AMY2B: variants seen among roughly 807,000 people sequenced by gnomAD.
AMY2B encodes the protein amylase alpha 2B.
AMY2B carries 63 observed loss-of-function variants against 59.3 expected under a neutral mutation model. That is an observed-to-expected ratio of 1.06 (90% CI 0.87 to 1.31). The LOEUF (loss-of-function observed/expected upper bound fraction) is 1.31. Ranked by LOEUF, AMY2B falls within the 50% of genes most tolerant of loss-of-function variation. The pLI is 0.00. For missense variants in AMY2B, 635 were observed against 626.7 expected (o/e 1.01, Z -0.14); for synonymous variants, 180 against 198.1 (o/e 0.91, Z 0.77).
intron 1 of AMY2B, among the ~76,000 whole-genome samples, chr1:103,557,069 C>T (rs1177138718): frequency 6.6e-6 from 1 of 151,830 alleles, no homozygotes. Flanking sequence ...GCAAAATGTC[C>T]CACCCTATAT....
chr1:103,574,434 T>C (rs774829154), intron 5 of AMY2B, 41 bp downstream of exon 5: 4 of 1,608,562 alleles, frequency 2.5e-6, no homozygotes, highest in Admixed American at 1.7e-5. Flanking sequence ...TTTCATAGAT[T>C]TATTAGTCAT....
Position 103,573,049 on chromosome 1 carries a change from A to G in AMY2B, c.316-14A>G, listed in dbSNP as rs1553196349. 3 of 1,613,134 alleles carry G rather than the reference A, an allele frequency of 1.9e-6. No homozygotes were observed. Among genetic ancestry groups the G allele is most frequent in the Non-Finnish European group, 2.5e-6 (3 of 1,179,584 alleles). ...CTCTGTAAGTCACACTGAAGTAGAA[A>G]CTTTGCTTTCTAGGTTCGTATTTAT... is the stretch of plus-strand genomic sequence containing the variant. On this transcript the variant is annotated splice_polypyrimidine_tract_variant and intron_variant, in intron 2 of 9. Coordinates refer to ENST00000684275, the MANE Select transcript of AMY2B (RefSeq NM_001387437.1).
chr1:103,576,993 G>A (rs1437743655), intron 7 of AMY2B, among the ~76,000 whole-genome samples: 1 of 152,170 alleles, frequency 6.6e-6, no homozygotes, highest in African/African-American at 2.4e-5. Context: ...CCCAGCACTT[G>A]GCGAGTCCAG....
At chr1:103,566,756 G>A (rs960601946), upstream of AMY2B, among the ~76,000 whole-genome samples, 2 of 152,152 alleles carry the variant, frequency 1.3e-5, no homozygotes, top group African/African-American at 4.8e-5. Flanking sequence ...AATTTACCCA[G>A]TCTGTCTGGG....
chr1:103,577,824 T>C lies in AMY2B; in HGVS notation c.1325T>C (p.Ile442Thr), dbSNP rs1342401625. ...VAFGRGNRGF[I>T]VFNNDDWTFS... ...TTTGGGAGAGGAAACAGAGGATTCA[T>C]TGTTTTCAACAATGATGACTGGTAA... The change falls in exon 9 of 10, where the codon ATT becomes ACT. Residue 442 changes from isoleucine (I) to threonine (T), a missense_variant. By Grantham distance (89) the Ile-to-Thr change is moderately conservative. Transcript: ENST00000684275. The C allele has an allele frequency of 6.2e-6, 10 of 1,603,882 alleles. No individual in the cohort carries two copies. Among genetic ancestry groups the C allele is most frequent in the Non-Finnish European group, 7.6e-6 (9 of 1,179,722 alleles).
rs779295257 is a variant in AMY2B, at chr1:103,579,338, T to G, written c.1374T>G (p.Gly458=). Residue 458 remains glycine (G), a synonymous_variant, in exon 10 of 10, where the codon GGT becomes GGG. Coordinates refer to ENST00000684275, the MANE Select transcript of AMY2B (RefSeq NM_001387437.1). The stretch of plus-strand genomic sequence containing the variant: ...CATTTTCTTTAACTTTGCAAACTGG[T>G]CTTCCTGCTGGCACATACTGTGATG... ...DWTFSLTLQT[G]LPAGTYCDVI... is the part of the protein sequence containing the mutation. The G allele has an allele frequency of 6.8e-6, 11 of 1,611,800 alleles. No homozygotes were observed. Among genetic ancestry groups the G allele is most frequent in the Non-Finnish European group, 8.5e-6 (10 of 1,179,722 alleles).
At chr1:103,561,380 G>C (rs1354449198) in intron 1 of AMY2B, among the ~76,000 whole-genome samples, 1 of 152,026 alleles carries the variant, frequency 6.6e-6, no homozygotes, top group Non-Finnish European at 1.5e-5. Flanking sequence ...CAATTCTCCT[G>C]CCTCTGCCTC....
chr1:103,564,437 T>C (rs371620053), intron 1 of AMY2B, among the ~76,000 whole-genome samples: 1 of 152,268 alleles, frequency 6.6e-6, no homozygotes. Flanking sequence ...TAGTTTGTTG[T>C]ACTCCCTGCA....
chr1:103,579,092 A>T (rs1431447344), intron 9 of AMY2B, among the ~76,000 whole-genome samples: 1 of 152,188 alleles, frequency 6.6e-6, no homozygotes, highest in Non-Finnish European at 1.5e-5. Context: ...ATTTTTTGGT[A>T]ATATTTTCAC....
At chr1:103,559,092 T>C (rs1651653973) in intron 1 of AMY2B, among the ~76,000 whole-genome samples, 1 of 152,184 alleles carries the variant, frequency 6.6e-6, no homozygotes, top group Non-Finnish European at 1.5e-5. Flanking sequence ...TGGAACCAAT[T>C]CCTCATGGAT....
intron 2 of AMY2B, among the ~76,000 whole-genome samples, chr1:103,566,092 C>G (rs1651900130): frequency 6.6e-6 from 1 of 152,110 alleles, no homozygotes; most frequent in African/African-American, 2.4e-5. Flanking sequence ...TTGCCATTTT[C>G]CTTGCTCTTC....
chr1:103,571,843 G>A, intron 1 of AMY2B, 73 bp downstream of exon 1: 3 of 1,611,446 alleles, frequency 1.9e-6, no homozygotes, highest in Non-Finnish European at 8.5e-7. Flanking sequence ...TCTTATCCGT[G>A]AAGCTTAGGC....
At chr1:103,564,133 T>G (rs1360398149) in intron 1 of AMY2B, among the ~76,000 whole-genome samples, 1 of 152,204 alleles carries the variant, frequency 6.6e-6, no homozygotes, top group East Asian at 1.9e-4. Context: ...GGATAACAGC[T>G]TTATTTGCAT....
intron 7 of AMY2B, 27 bp downstream of exon 7, chr1:103,575,567 C>T (rs139329377): frequency 6.2e-7 from 1 of 1,610,664 alleles, no homozygotes; most frequent in African/African-American, 1.3e-5. Flanking sequence ...TTCAAACTAT[C>T]CTTTTCTCAA....
Position 103,579,354 on chromosome 1 carries a change from T to C in AMY2B, c.1390T>C (p.Tyr464His). 1.2e-6 allele frequency: 2 copies of C among 1,611,808 alleles called. No individual in the cohort carries two copies. Among genetic ancestry groups the C allele is most frequent in the African/African-American group, 1.3e-5 (1 of 74,982 alleles). Residue 464 changes from tyrosine (Y) to histidine (H), a missense_variant, in exon 10 of 10, where the codon TAC becomes CAC. Tyr to His is a moderately conservative substitution (Grantham distance 83, BLOSUM62 2). Coordinates refer to ENST00000684275, the MANE Select transcript of AMY2B (RefSeq NM_001387437.1). ...GCAAACTGGTCTTCCTGCTGGCACA[T>C]ACTGTGATGTCATTTCTGGAGATAA... Reference protein sequence around the residue: ...TLQTGLPAGTYCDVISGDKIN... With the variant: ...TLQTGLPAGTHCDVISGDKIN...
At chr1:103,559,964 A>T (rs866623931) in intron 1 of AMY2B, among the ~76,000 whole-genome samples, 12 of 152,350 alleles carry the variant, frequency 7.9e-5, no homozygotes, top group Middle Eastern at 6.8e-3. Context: ...ACAGATGTTC[A>T]TTATAACACT....
chr1:103,566,662 C>T (rs1056240087), upstream of AMY2B, among the ~76,000 whole-genome samples: 2 of 152,098 alleles, frequency 1.3e-5, no homozygotes, highest in Non-Finnish European at 2.9e-5. Context: ...CTAGGAGAAA[C>T]ATTAGTGTAG....
chr1:103,558,911 G>GT, intron 1 of AMY2B, among the ~76,000 whole-genome samples: 1 of 152,126 alleles, frequency 6.6e-6, no homozygotes, highest in Middle Eastern at 3.4e-3. Context: ...CATGTATTGA[G>GT]TTTTTTTCGT....
upstream of AMY2B, chr1:103,568,655 T>C (rs529111038): frequency 9.2e-5 from 14 of 152,154 alleles, no homozygotes; most frequent in South Asian, 8.3e-4. Context: ...TTTTGAGAAT[T>C]CAGTTGGCTT....
Sources: allele counts gnomAD v4.1 joint callset (sites outside exome capture counted in the v4.1 genomes callset), GRCh38; gene constraint gnomAD v4.1.1; transcripts MANE v1.5; gene names NCBI Gene and HGNC (gene_info 2026-07-23, HGNC 2026-07-21).